ENTREP2: variants seen among roughly 807,000 people sequenced by gnomAD.
The protein encoded by ENTREP2 is protein ENTREP2.
chr15:29,606,985 C>T, the ENTREP2 span, among the ~76,000 whole-genome samples: 1 of 152,038 alleles, frequency 6.6e-6, no homozygotes, highest in Admixed American at 6.6e-5. Flanking sequence ...AGGTGCAAGC[C>T]ACCACACCCA....
At chr15:29,425,330 C>A in the ENTREP2 span, among the ~76,000 whole-genome samples, 2 of 152,140 alleles carry the variant, frequency 1.3e-5, no homozygotes, top group Non-Finnish European at 2.9e-5. Flanking sequence ...AGCCACCACG[C>A]CTGGCTTTTT....
chr15:29,552,425 C>T, the ENTREP2 span, among the ~76,000 whole-genome samples: 87 of 151,980 alleles, frequency 5.7e-4, no homozygotes, highest in African/African-American at 1.4e-3. Flanking sequence ...AAACAGTACA[C>T]GCACACACTC....
At chr15:29,487,374 G>A in the ENTREP2 span, among the ~76,000 whole-genome samples, 5 of 152,098 alleles carry the variant, frequency 3.3e-5, no homozygotes, top group African/African-American at 7.2e-5. Flanking sequence ...AAAAAGCCAG[G>A]CTAAGTGTTA....
the ENTREP2 span, among the ~76,000 whole-genome samples, chr15:29,577,313 G>GGGGTGTGT: frequency 2.1e-5 from 3 of 139,802 alleles, no homozygotes; most frequent in Admixed American, 7.3e-5. Flanking sequence ...GACTCAAAGA[G>GGGGTGTGT]GTGTGTGTGT....
At chr15:29,510,310 A>T in the ENTREP2 span, among the ~76,000 whole-genome samples, 1 of 152,208 alleles carries the variant, frequency 6.6e-6, no homozygotes, top group African/African-American at 2.4e-5. Context: ...GGGAGTATAA[A>T]TTAGTTCCTC....
the ENTREP2 span, among the ~76,000 whole-genome samples, chr15:29,308,799 G>A: frequency 0.2 from 30,715 of 152,108 alleles, 5,857 homozygotes; most frequent in African/African-American, 0.51. Flanking sequence ...AGGCAAGAAG[G>A]ACATTCTAAT....
At chr15:29,356,292 A>G in the ENTREP2 span, among the ~76,000 whole-genome samples, 1 of 59,398 alleles carries the variant, frequency 1.7e-5, no homozygotes, top group Non-Finnish European at 3.2e-5. Flanking sequence ...ATATATATAT[A>G]TATATTTTTT....
the ENTREP2 span, among the ~76,000 whole-genome samples, chr15:29,359,947 G>T: frequency 6.6e-6 from 1 of 152,086 alleles, no homozygotes; most frequent in Non-Finnish European, 1.5e-5. Flanking sequence ...CAAAGATAAG[G>T]TTCATGAATA....
the ENTREP2 span, among the ~76,000 whole-genome samples, chr15:29,530,412 T>A: frequency 1.3e-5 from 2 of 152,190 alleles, no homozygotes; most frequent in Non-Finnish European, 2.9e-5. Context: ...CACCAACTTA[T>A]AATAATCACA....
the ENTREP2 span, among the ~76,000 whole-genome samples, chr15:29,356,288 ATATATATATTTTTTTTTT>A: frequency 1.9e-5 from 1 of 52,060 alleles, no homozygotes; most frequent in Non-Finnish European, 3.6e-5. Context: ...ATATATATAT[ATATATATATTTTTTTTTT>A]TTTTTTTTTT....
chr15:29,560,036 G>C, the ENTREP2 span, among the ~76,000 whole-genome samples: 1 of 152,234 alleles, frequency 6.6e-6, no homozygotes, highest in South Asian at 2.1e-4. Context: ...TCCGGATGCT[G>C]TGTGAAGGGG....
At chr15:29,136,955 G>T in the ENTREP2 span, 2 of 1,196,688 alleles carry the variant, frequency 1.7e-6, no homozygotes, top group Non-Finnish European at 1.1e-6. Flanking sequence ...ATGCCTGCAG[G>T]ACCACTGCAA....
At chr15:29,558,894 C>T in the ENTREP2 span, among the ~76,000 whole-genome samples, 1 of 151,518 alleles carries the variant, frequency 6.6e-6, no homozygotes, top group East Asian at 2.0e-4. Flanking sequence ...CTCCAGCTTA[C>T]TTTATGGTAA....
At chr15:29,555,955 CGAA>C in the ENTREP2 span, among the ~76,000 whole-genome samples, 3 of 152,160 alleles carry the variant, frequency 2.0e-5, no homozygotes, top group Non-Finnish European at 4.4e-5. Context: ...AGCTTCTTCC[CGAA>C]GAAGGGGAAT....
chr15:29,445,501 G>A, the ENTREP2 span, among the ~76,000 whole-genome samples: 1 of 152,210 alleles, frequency 6.6e-6, no homozygotes, highest in African/African-American at 2.4e-5. Flanking sequence ...GCTATGCAAT[G>A]ATGCCTCCAT....
chr15:29,196,321 A>C, the ENTREP2 span: 35 of 1,185,736 alleles, frequency 3.0e-5, no homozygotes, highest in Non-Finnish European at 3.9e-5. Context: ...CACTGAACCT[A>C]CCCCGGGAAG....
At chr15:29,628,541 G>T in the ENTREP2 span, among the ~76,000 whole-genome samples, 1 of 152,130 alleles carries the variant, frequency 6.6e-6, no homozygotes, top group Non-Finnish European at 1.5e-5. Context: ...TTGATTGATG[G>T]TGATGTTCAG....
chr15:29,189,077 C>T, the ENTREP2 span, among the ~76,000 whole-genome samples: 5 of 152,306 alleles, frequency 3.3e-5, no homozygotes, highest in South Asian at 2.1e-4. Context: ...GAAGTAAAGC[C>T]TTTCCGTGGG....
the ENTREP2 span, among the ~76,000 whole-genome samples, chr15:29,337,443 G>A: frequency 6.6e-6 from 1 of 152,192 alleles, no homozygotes; most frequent in Admixed American, 6.5e-5. Context: ...ATTGACTGGT[G>A]ACAGTGAGAT....
Sources: allele counts gnomAD v4.1 joint callset (sites outside exome capture counted in the v4.1 genomes callset), GRCh38; gene constraint gnomAD v4.1.1; transcripts MANE v1.5; gene names NCBI Gene and HGNC (gene_info 2026-07-23, HGNC 2026-07-21).